Variants in ARB2A observed in about 807,000 individuals in gnomAD.
ARB2A encodes ARB2 cotranscriptional regulator A.
At chr5:94,030,556 C>T in the ARB2A span, among the ~76,000 whole-genome samples, 1 of 152,228 alleles carries the variant, frequency 6.6e-6, no homozygotes, top group Non-Finnish European at 1.5e-5. Flanking sequence ...TCTGCTGCTA[C>T]AACTCCATAA....
the ARB2A span, among the ~76,000 whole-genome samples, chr5:93,909,300 A>C: frequency 2.0e-5 from 3 of 151,076 alleles, no homozygotes; most frequent in Non-Finnish European, 4.5e-5. Context: ...AGTATGTACA[A>C]AACAGTTAAC....
the ARB2A span, among the ~76,000 whole-genome samples, chr5:93,731,141 T>C: frequency 6.6e-6 from 1 of 152,092 alleles, no homozygotes; most frequent in African/African-American, 2.4e-5. Flanking sequence ...GTAGTAGGTG[T>C]TATTGGGTGA....
the ARB2A span, among the ~76,000 whole-genome samples, chr5:93,994,555 G>T: frequency 6.6e-6 from 1 of 152,078 alleles, no homozygotes; most frequent in Admixed American, 6.5e-5. Flanking sequence ...ACATATAGTT[G>T]ACCCTTGAAC....
the ARB2A span, among the ~76,000 whole-genome samples, chr5:93,709,208 C>A: frequency 6.6e-6 from 1 of 152,142 alleles, no homozygotes; most frequent in Non-Finnish European, 1.5e-5. Context: ...TACTTGCATG[C>A]TACATTGCCT....
At chr5:94,059,815 A>C in the ARB2A span, among the ~76,000 whole-genome samples, 1 of 151,976 alleles carries the variant, frequency 6.6e-6, no homozygotes, top group East Asian at 1.9e-4. Flanking sequence ...GAAGAAATAA[A>C]GATTTTTTTT....
chr5:94,088,170 C>A, the ARB2A span, among the ~76,000 whole-genome samples: 1 of 152,158 alleles, frequency 6.6e-6, no homozygotes. Flanking sequence ...TAAACAGGTA[C>A]TGAGTAAACC....
At chr5:93,740,905 C>A in the ARB2A span, 1 of 1,613,974 alleles carries the variant, frequency 6.2e-7, no homozygotes, top group Non-Finnish European at 8.5e-7. Flanking sequence ...GTTTCCGATT[C>A]GTCGCTCTCT....
the ARB2A span, among the ~76,000 whole-genome samples, chr5:93,878,497 T>C: frequency 1.3e-5 from 2 of 151,966 alleles, no homozygotes; most frequent in African/African-American, 4.8e-5. Context: ...GGGGAGGATA[T>C]GATAGCTCCT....
chr5:93,650,961 T>C, the ARB2A span, among the ~76,000 whole-genome samples: 2 of 151,906 alleles, frequency 1.3e-5, no homozygotes, highest in African/African-American at 2.4e-5. Context: ...CACTGCACTC[T>C]AGCCTTGGTT....
chr5:93,690,788 C>A, the ARB2A span, among the ~76,000 whole-genome samples: 1 of 152,136 alleles, frequency 6.6e-6, no homozygotes, highest in African/African-American at 2.4e-5. Flanking sequence ...TTGATAGACA[C>A]CTCATACAGG....
the ARB2A span, among the ~76,000 whole-genome samples, chr5:94,071,605 A>T: frequency 1.3e-5 from 2 of 152,160 alleles, no homozygotes; most frequent in Non-Finnish European, 2.9e-5. Flanking sequence ...TACCAGAGAC[A>T]AGGTATAGAT....
the ARB2A span, among the ~76,000 whole-genome samples, chr5:93,760,304 T>C: frequency 6.6e-6 from 1 of 152,132 alleles, no homozygotes; most frequent in Non-Finnish European, 1.5e-5. Flanking sequence ...AGAATCAATA[T>C]TGTGAAAGTT....
the ARB2A span, among the ~76,000 whole-genome samples, chr5:93,851,903 G>A: frequency 7.9e-5 from 12 of 151,986 alleles, no homozygotes; most frequent in East Asian, 3.8e-4. Flanking sequence ...GAATAGTGCC[G>A]CAATAAACAT....
At chr5:93,704,184 C>T in the ARB2A span, among the ~76,000 whole-genome samples, 2 of 152,092 alleles carry the variant, frequency 1.3e-5, no homozygotes, top group African/African-American at 4.8e-5. Context: ...TTTATTTTTA[C>T]TTTTAGAAAT....
chr5:93,857,739 G>A, the ARB2A span, among the ~76,000 whole-genome samples: 20 of 152,126 alleles, frequency 1.3e-4, no homozygotes, highest in Admixed American at 2.0e-4. Flanking sequence ...TGCGCTTCCC[G>A]AGTGAGGCAA....
At chr5:94,055,283 G>A in the ARB2A span, among the ~76,000 whole-genome samples, 3 of 152,162 alleles carry the variant, frequency 2.0e-5, no homozygotes, top group African/African-American at 7.2e-5. Flanking sequence ...CTTAGAATAT[G>A]TTGTGAGGCA....
the ARB2A span, among the ~76,000 whole-genome samples, chr5:93,787,822 C>A: frequency 6.6e-6 from 1 of 152,018 alleles, no homozygotes; most frequent in Non-Finnish European, 1.5e-5. Context: ...AAATTCATGC[C>A]AAGATAGAAA....
the ARB2A span, among the ~76,000 whole-genome samples, chr5:94,018,038 T>C: frequency 6.6e-6 from 1 of 152,200 alleles, no homozygotes; most frequent in African/African-American, 2.4e-5. Flanking sequence ...AAAAAATGCC[T>C]TCCTCCTACC....
At chr5:93,923,220 T>C in the ARB2A span, among the ~76,000 whole-genome samples, 4 of 152,192 alleles carry the variant, frequency 2.6e-5, no homozygotes, top group African/African-American at 9.7e-5. Context: ...CCATGACTTA[T>C]TTATTATAAA....
Sources: gnomAD v4.1 joint callset for allele counts (sites outside exome capture counted in the v4.1 genomes callset) on GRCh38, gnomAD v4.1.1 for gene constraint, MANE v1.5 for transcripts, NCBI Gene and HGNC (gene_info 2026-07-23, HGNC 2026-07-21) for gene names.